SORCS3: variants seen among roughly 807,000 people sequenced by gnomAD.
The protein encoded by SORCS3 is sortilin related VPS10 domain containing receptor 3.
A neutral mutation model predicts 146.3 loss-of-function variants in SORCS3; 57 were observed. That is an observed-to-expected ratio of 0.39 (90% CI 0.31 to 0.49). The LOEUF is 0.49. Among genes scored for constraint, SORCS3 ranks in the 20% least tolerant of loss-of-function variants. The pLI, the probability that SORCS3 is intolerant of heterozygous loss-of-function variation, is 0.92. For synonymous variants in SORCS3, 653 were observed against 618.5 expected (o/e 1.06, Z -0.83); for missense variants, 1,341 against 1,575.5 (o/e 0.85, Z 2.52).
chr10:104,826,801 G>A (rs904191956), intron 1 of SORCS3, among the ~76,000 whole-genome samples: 1 of 152,162 alleles, frequency 6.6e-6, no homozygotes, highest in Non-Finnish European at 1.5e-5. Flanking sequence ...CTGTCTGATA[G>A]CATTTTACCC....
chr10:104,908,023 A>G (rs2018926639), intron 2 of SORCS3, among the ~76,000 whole-genome samples: 1 of 152,236 alleles, frequency 6.6e-6, no homozygotes. Flanking sequence ...CAACTCTCTG[A>G]GAAGTCTTTG....
intron 3 of SORCS3, among the ~76,000 whole-genome samples, chr10:104,922,455 C>G (rs190149471): frequency 6.6e-6 from 1 of 152,094 alleles, no homozygotes; most frequent in African/African-American, 2.4e-5. Flanking sequence ...GTCTCAAATT[C>G]GGATGCATGC....
chr10:104,757,066 GTTTTTT>G (rs35550035), intron 1 of SORCS3, among the ~76,000 whole-genome samples: 57 of 83,976 alleles, frequency 6.8e-4, no homozygotes, highest in Admixed American at 4.2e-3. Flanking sequence ...CAAGTTAAGG[GTTTTTT>G]TTTTTTTTTT....
chr10:104,957,094 C>T (rs577381173), intron 3 of SORCS3, among the ~76,000 whole-genome samples: 1 of 152,144 alleles, frequency 6.6e-6, no homozygotes, highest in East Asian at 1.9e-4. Flanking sequence ...GTACATCATT[C>T]AGGACATTTT....
intron 1 of SORCS3, among the ~76,000 whole-genome samples, chr10:104,758,455 T>C (rs1422872619): frequency 6.6e-6 from 1 of 152,224 alleles, no homozygotes; most frequent in East Asian, 1.9e-4. Context: ...GTATAAAGTA[T>C]GGCACAGCCT....
intron 6 of SORCS3, among the ~76,000 whole-genome samples, chr10:105,098,339 T>C (rs1015862966): frequency 1.3e-5 from 2 of 152,174 alleles, no homozygotes; most frequent in Middle Eastern, 3.2e-3. Context: ...AAGGATTCCA[T>C]AATCAAAAAG....
intron 4 of SORCS3, among the ~76,000 whole-genome samples, chr10:105,007,985 G>A (rs553105147): frequency 6.6e-6 from 1 of 152,284 alleles, no homozygotes; most frequent in South Asian, 2.1e-4. Context: ...AAAAGATGGG[G>A]TGGGGGGATG....
intron 19 of SORCS3, among the ~76,000 whole-genome samples, chr10:105,221,655 AG>A (rs2056703153): frequency 7.9e-5 from 12 of 152,320 alleles, no homozygotes; most frequent in African/African-American, 2.9e-4. Flanking sequence ...ACTTGTCTCC[AG>A]AATTACCAGG....
chr10:104,770,650 T>C (rs1481548623), intron 1 of SORCS3, among the ~76,000 whole-genome samples: 1 of 151,692 alleles, frequency 6.6e-6, no homozygotes, highest in African/African-American at 2.4e-5. Context: ...CAAAACCCCA[T>C]CTCTACCAAA....
chr10:105,096,282 G>A (rs530504431), intron 6 of SORCS3, among the ~76,000 whole-genome samples: 93 of 152,214 alleles, frequency 6.1e-4, no homozygotes, highest in Admixed American at 1.5e-3. Context: ...GAGAACCAAC[G>A]CACTAGATCT....
chr10:104,899,516 C>A (rs1262031905), intron 2 of SORCS3, among the ~76,000 whole-genome samples: 1 of 152,210 alleles, frequency 6.6e-6, no homozygotes, highest in African/African-American at 2.4e-5. Context: ...GCCTAACTTT[C>A]CCCATTTGTA....
At chr10:105,139,518 C>G in intron 8 of SORCS3, 32 bp downstream of exon 8, 2 of 1,557,808 alleles carry the variant, frequency 1.3e-6, no homozygotes, top group Non-Finnish European at 1.8e-6. Context: ...GTCCTGGGTC[C>G]CTCTAGGCAA....
intron 5 of SORCS3, among the ~76,000 whole-genome samples, chr10:105,083,255 C>A (rs1449815955): frequency 1.3e-5 from 2 of 151,642 alleles, no homozygotes; most frequent in Non-Finnish European, 2.9e-5. Context: ...TAGAAACTTT[C>A]TAGGAGTTTT....
intron 1 of SORCS3, among the ~76,000 whole-genome samples, chr10:104,690,228 G>A (rs1458211157): frequency 6.6e-6 from 1 of 152,194 alleles, no homozygotes; most frequent in East Asian, 1.9e-4. Flanking sequence ...TGGGGTTGAA[G>A]CACTTCTCTG....
chr10:104,941,274 C>T (rs918840387), intron 3 of SORCS3, among the ~76,000 whole-genome samples: 2 of 152,154 alleles, frequency 1.3e-5, no homozygotes, highest in African/African-American at 4.8e-5. Context: ...GGATGCAGCT[C>T]AACAGGTCTT....
At chr10:105,034,381 G>A (rs2055291803) in intron 4 of SORCS3, among the ~76,000 whole-genome samples, 1 of 152,132 alleles carries the variant, frequency 6.6e-6, no homozygotes, top group Non-Finnish European at 1.5e-5. Context: ...AAACTAAATG[G>A]GAACCAATGT....
chr10:104,658,841 CT>C (rs1339553034), intron 1 of SORCS3, among the ~76,000 whole-genome samples: 1 of 150,328 alleles, frequency 6.7e-6, no homozygotes, highest in Non-Finnish European at 1.5e-5. Flanking sequence ...TTTTTTTTGT[CT>C]TTTGTTTTTT....
chr10:105,091,232 CT>C (rs777089777), intron 6 of SORCS3, among the ~76,000 whole-genome samples: 1,762 of 109,850 alleles, frequency 0.016, 18 homozygotes, highest in East Asian at 0.033. Flanking sequence ...TCCTTCCTTC[CT>C]TCCCTCCTTC....
At chr10:104,707,831 G>A (rs995279634) in intron 1 of SORCS3, among the ~76,000 whole-genome samples, 5 of 152,116 alleles carry the variant, frequency 3.3e-5, no homozygotes, top group African/African-American at 1.2e-4. Context: ...CCCACTCCAA[G>A]CCTGTTCTTT....
Sources: gnomAD v4.1 joint callset for allele counts (sites outside exome capture counted in the v4.1 genomes callset) on GRCh38, gnomAD v4.1.1 for gene constraint, MANE v1.5 for transcripts, NCBI Gene and HGNC (gene_info 2026-07-23, HGNC 2026-07-21) for gene names.